USP15: variants seen among roughly 807,000 people sequenced by gnomAD.
USP15 encodes the protein ubiquitin carboxyl-terminal hydrolase 15.
In USP15, 18 loss-of-function variants were observed where a neutral mutation model predicts 127.1. The ratio of observed to expected loss-of-function variants is 0.14; its 90% CI spans 0.10 to 0.21. USP15 has a LOEUF of 0.21. Among genes scored for constraint, USP15 ranks in the 10% least tolerant of loss-of-function variants. The pLI is 1.00. For missense variants in USP15, 805 were observed against 1,159.9 expected, an observed-to-expected ratio of 0.69 and a Z score of 4.44; for synonymous variants, 364 against 393.7, an observed-to-expected ratio of 0.92 and a Z score of 0.89.
In USP15 at chr12:62,415,014, T is replaced by TATATATAC. The variant is rs1565930341; in HGVS notation, c.*10641_*10642insATATACAT. 7 of 114,426 alleles carry TATATATAC rather than the reference T, an allele frequency of 6.1e-5. No individual in the cohort carries two copies. Among genetic ancestry groups the TATATATAC allele is most frequent in the Non-Finnish European group, 1.3e-4 (7 of 53,500 alleles). 7.1% of individuals were successfully genotyped at this position (114,426 alleles called of 1,614,324 possible). A position where few individuals can be genotyped will look rare whatever the true frequency, so the allele number is the denominator to read the frequency against. On this transcript the variant is annotated 3_prime_UTR_variant, in exon 22 of 22. Transcript: ENST00000280377. ...ATATATGTACATATATATATATATA[T>TATATATAC]ATGAGGGAGAGAAAGATTTATAAGG...
At position 62,389,948 on chromosome 12, in the gene USP15, A is replaced by T. The variant is rs764293953; in HGVS notation, c.1804A>T (p.Thr602Ser). The T allele has an allele frequency of 6.2e-7, 1 of 1,612,380 alleles. No individual in the cohort carries two copies. Among genetic ancestry groups the T allele is most frequent in the Non-Finnish European group, 8.5e-7 (1 of 1,179,268 alleles). Residue 602 changes from threonine (T) to serine (S), a missense_variant, in exon 14 of 22, where the codon ACT (threonine) becomes TCT (serine). By Grantham distance (58) the Thr-to-Ser change is moderately conservative (BLOSUM62 1). Around this residue, in one of 11 missense-constraint regions of USP15, gnomAD observed 225 missense variants for 239.5 expected, o/e 0.94. Transcript: ENST00000280377. ...TCTTATGGCTGTACCACGAAACAAT[A>T]CTGAAGACAAACTTTATAATCTCCT... ...PFLMAVPRNN[T>S]EDKLYNLLLL...
Position 62,302,909 on chromosome 12 carries a change from A to G in USP15, c.337A>G (p.Ile113Val), listed in dbSNP as rs1408871627. The G allele has an allele frequency of 1.1e-5, 18 of 1,611,600 alleles. No individual in the cohort carries two copies. Among genetic ancestry groups the G allele is most frequent in the Admixed American group, 1.7e-5 (1 of 59,920 alleles). The change falls in exon 3 of 22, where the codon ATA becomes GTA. Residue 113 changes from isoleucine to valine, a missense_variant. Physicochemically the swap from Ile to Val is conservative, Grantham distance 29 (BLOSUM62 3). Around this residue, in one of 11 missense-constraint regions of USP15, gnomAD observed 69 missense variants for 126.4 expected, o/e 0.55. Coordinates refer to ENST00000280377, the MANE Select transcript of USP15 (RefSeq NM_001252078.2). ...WYTLMEGQEP[I>V]ARKVVEQGMF... ...CACATTGATGGAAGGTCAAGAGCCA[A>G]TAGCACGAAAGGTACATTTTAATAA...
intron 6 of USP15, chr12:62,336,112 A>G (rs1387986171): frequency 1.0e-5 from 10 of 985,256 alleles, no homozygotes; most frequent in Non-Finnish European, 1.2e-5. Context: ...ATGCATTGAC[A>G]TTCACTAAAT....
At chr12:62,361,822 C>A (rs2066327964) in intron 8 of USP15, among the ~76,000 whole-genome samples, 1 of 151,900 alleles carries the variant, frequency 6.6e-6, no homozygotes, top group African/African-American at 2.4e-5. Context: ...CCATTTACTT[C>A]TTTACAATGA....
rs1239700435 is a variant in USP15, at chr12:62,404,853, A to C, written c.*478A>C. The C allele has an allele frequency of 6.6e-6, 1 of 152,358 alleles. No individual in the cohort carries two copies. Among genetic ancestry groups the C allele is most frequent in the Non-Finnish European group, 1.5e-5 (1 of 67,998 alleles). 9.4% of individuals were successfully genotyped at this position (152,358 alleles called of 1,614,324 possible). A position where few individuals can be genotyped will look rare whatever the true frequency, so the allele number is the denominator to read the frequency against. ...TAGCTGCAGTATCAATGTGGCATAA[A>C]TACTGCGGCAGCATTCTTCGAAAAC... On this transcript the variant is annotated 3_prime_UTR_variant, in exon 22 of 22. Coordinates refer to ENST00000280377, the MANE Select transcript of USP15 (RefSeq NM_001252078.2).
intron 8 of USP15, among the ~76,000 whole-genome samples, chr12:62,362,936 AG>A (rs2066361072): frequency 6.6e-6 from 1 of 152,180 alleles, no homozygotes; most frequent in Non-Finnish European, 1.5e-5. Context: ...TGGCAGGTGA[AG>A]TTAGAAGGAC....
At position 62,412,340 on chromosome 12, in the gene USP15, G is replaced by A. The variant is rs1355924509; in HGVS notation, c.*7965G>A. On this transcript the variant is annotated 3_prime_UTR_variant, in exon 22 of 22. Coordinates refer to ENST00000280377, the MANE Select transcript of USP15 (RefSeq NM_001252078.2). ...AGGATGGTGGTTGCTGAAGGTTAGG[G>A]TGGCCGTGGCAATTTTTTACAATAA... 1 of 152,176 alleles carries A rather than the reference G, an allele frequency of 6.6e-6. No homozygotes were observed. The highest frequency in any genetic ancestry group is 1.5e-5 in the Non-Finnish European group (1 of 68,076). The allele number at this position is 152,176 out of a possible 1,614,324, so 9.4% of individuals were successfully genotyped here.
chr12:62,363,709 C>T (rs2066387707), intron 8 of USP15, among the ~76,000 whole-genome samples: 1 of 151,892 alleles, frequency 6.6e-6, no homozygotes, highest in South Asian at 2.1e-4. Flanking sequence ...TCTCTCTCTC[C>T]CTCTCTCCCT....
chr12:62,386,593 T>C (rs182380711), intron 11 of USP15, among the ~76,000 whole-genome samples: 15 of 152,118 alleles, frequency 9.9e-5, no homozygotes, highest in Admixed American at 9.2e-4. Flanking sequence ...TAGGCCAAGA[T>C]AATGGCATGT....
At chr12:62,340,343 C>T (rs1367196651) in intron 6 of USP15, among the ~76,000 whole-genome samples, 2 of 152,000 alleles carry the variant, frequency 1.3e-5, no homozygotes, top group African/African-American at 2.4e-5. Flanking sequence ...CTCCTGGATT[C>T]GTTTATTTTT....
rs1481556124 is a variant in USP15 at position 62,405,229 on chromosome 12, C to G, written c.*854C>G. On this transcript the variant is annotated 3_prime_UTR_variant, in exon 22 of 22. Coordinates refer to ENST00000280377, the MANE Select transcript of USP15 (RefSeq NM_001252078.2). ...TTTTGTGGTAATTTGGCAACTTGAG[C>G]TCTCCCAATTATTGTAATATAAGGA... is the stretch of plus-strand genomic sequence containing the variant. 1 of 152,112 alleles carries G rather than the reference C, an allele frequency of 6.6e-6. No homozygotes were observed. Among genetic ancestry groups the G allele is most frequent in the African/African-American group, 2.4e-5 (1 of 41,418 alleles). The allele number at this position is 152,112 out of a possible 1,614,324, so 9.4% of individuals were successfully genotyped here. A position where few individuals can be genotyped will look rare whatever the true frequency, so the allele number is the denominator to read the frequency against.
At chr12:62,264,595 A>T (rs2063151508) in intron 1 of USP15, among the ~76,000 whole-genome samples, 1 of 152,244 alleles carries the variant, frequency 6.6e-6, no homozygotes, top group Non-Finnish European at 1.5e-5. Context: ...TTGCCAAAGA[A>T]TCTGATCAGT....
In USP15 at chr12:62,314,925, A is replaced by G. The variant is rs567399361; in HGVS notation, c.475+9A>G. On this transcript the variant is annotated intron_variant, in intron 4 of 21. Transcript: ENST00000280377. ...CAAAGCTGACACAATAGGTAATGCAAGATCCTGTCTTGTTTTTAATCCATT... is the reference window on the plus strand; with the variant it reads ...CAAAGCTGACACAATAGGTAATGCAGGATCCTGTCTTGTTTTTAATCCATT... 1.4e-4 allele frequency: 222 copies of G among 1,565,530 alleles called. 2 individuals carry two copies. In the South Asian group the frequency reaches 2.6e-3, roughly 18 times the overall value.
intron 11 of USP15, among the ~76,000 whole-genome samples, chr12:62,388,117 ATTTTTTT>A (rs58192089): frequency 0.02 from 2,091 of 106,600 alleles, 53 homozygotes; most frequent in African/African-American, 0.071. Flanking sequence ...AATGGTGAAG[ATTTTTTT>A]TTTTTTTTTT....
rs953838356 is a variant in USP15, at chr12:62,405,969, G to C, written c.*1594G>C. 2.0e-5 allele frequency: 3 copies of C among 150,112 alleles called. No homozygotes were observed. The highest frequency in any genetic ancestry group is 7.4e-5 in the African/African-American group (3 of 40,816). 9.3% of individuals were successfully genotyped at this position (150,112 alleles called of 1,614,324 possible). A position where few individuals can be genotyped will look rare whatever the true frequency, so the allele number is the denominator to read the frequency against. On this transcript the variant is annotated 3_prime_UTR_variant, in exon 22 of 22. Transcript: ENST00000280377. ...CCTGGTATTTTAAAAGCTGCTTTGG[G>C]GTTTTTTTTTTCTTTTTTTTTTTTT...
At chr12:62,278,578 G>A (rs1746584194) in intron 1 of USP15, 2 of 152,040 alleles carry the variant, frequency 1.3e-5, no homozygotes, top group Admixed American at 1.3e-4. Flanking sequence ...GGTACATTAT[G>A]GTGTATGGGA....
At chr12:62,297,845 A>G (rs549220074) in intron 2 of USP15, among the ~76,000 whole-genome samples, 2 of 152,328 alleles carry the variant, frequency 1.3e-5, no homozygotes, top group South Asian at 4.1e-4. Context: ...ATAGAGATGA[A>G]TTGCCTGACA....
At chr12:62,367,877 T>C (rs1339778906) in intron 8 of USP15, among the ~76,000 whole-genome samples, 2 of 152,172 alleles carry the variant, frequency 1.3e-5, no homozygotes, top group Non-Finnish European at 2.9e-5. Flanking sequence ...TGCTCTTGCT[T>C]CTCTAGTTCT....
rs200939489 is a variant in USP15 at position 62,389,815 on chromosome 12, T to C, written c.1671T>C (p.Asn557=). 1 of 1,612,384 alleles carries C rather than the reference T, an allele frequency of 6.2e-7. No homozygotes were observed. The highest frequency in any genetic ancestry group is 1.3e-5 in the African/African-American group (1 of 74,982). ...DDIYVFEINI[N]RTEDTEHVII... Reference sequence around the variant, plus strand: ...CTTGTAGGTTTGAAATTAACATCAATAGGACAGAAGATACAGAGCACGTGA... The same window carrying C: ...CTTGTAGGTTTGAAATTAACATCAACAGGACAGAAGATACAGAGCACGTGA... The change falls in exon 14 of 22, where the codon AAT becomes AAC. Residue 557 remains asparagine, a synonymous_variant. Coordinates refer to ENST00000280377, the MANE Select transcript of USP15 (RefSeq NM_001252078.2).
Sources: gnomAD v4.1 joint callset for allele counts (sites outside exome capture counted in the v4.1 genomes callset) on GRCh38, gnomAD v4.1.1 for gene constraint, gnomAD v4.1.1 regional missense constraint, MANE v1.5 for transcripts, NCBI Gene and HGNC (gene_info 2026-07-23, HGNC 2026-07-21) for gene names.